SDK1: variants seen among roughly 807,000 people sequenced by gnomAD.
SDK1 encodes the protein protein sidekick-1.
A neutral mutation model predicts 245.5 loss-of-function variants in SDK1; 157 were observed. The observed-to-expected ratio is 0.64, with a 90% CI of 0.56 to 0.73. The LOEUF (loss-of-function observed/expected upper bound fraction) is 0.73, where lower values mean the gene tolerates loss of function less well. Among genes scored for constraint, SDK1 ranks in the 30% least tolerant of loss-of-function variants. The probability of loss-of-function intolerance (pLI) is 0.00; values close to 1 mark genes in which losing one functional copy is unlikely to be tolerated. For missense variants in SDK1, 3,583 were observed against 3,002.3 expected (o/e 1.19, Z -4.52); for synonymous variants, 1,647 against 1,278.5 (o/e 1.29, Z -6.15).
intron 32 of SDK1, among the ~76,000 whole-genome samples, chr7:4,168,932 C>T (rs772985302): frequency 6.6e-6 from 1 of 152,206 alleles, no homozygotes; most frequent in African/African-American, 2.4e-5. Context: ...CCAGTGTGAA[C>T]AGCAAGGACA....
intron 4 of SDK1, among the ~76,000 whole-genome samples, chr7:3,644,433 A>G (rs1704736271): frequency 1.3e-5 from 2 of 151,842 alleles, no homozygotes; most frequent in Non-Finnish European, 2.9e-5. Flanking sequence ...AAAATGAAGG[A>G]TCAATTTTTC....
intron 4 of SDK1, among the ~76,000 whole-genome samples, chr7:3,644,571 C>T (rs2128653402): frequency 6.6e-6 from 1 of 151,094 alleles, no homozygotes; most frequent in East Asian, 1.9e-4. Context: ...TAAAAACAGC[C>T]TGGGCAACAT....
intron 5 of SDK1, among the ~76,000 whole-genome samples, chr7:3,862,594 T>C (rs1303820745): frequency 1.3e-5 from 2 of 152,246 alleles, no homozygotes; most frequent in Non-Finnish European, 2.9e-5. Context: ...GAATTATTTG[T>C]TAGGCAAAGC....
At chr7:3,641,843 T>C in intron 3 of SDK1, 115 bp from the exon 4 acceptor site, 1 of 828,248 alleles carries the variant, frequency 1.2e-6, no homozygotes, top group Non-Finnish European at 1.9e-6. Flanking sequence ...CGTCCTGGTG[T>C]GAAATGTGGC....
At chr7:3,404,376 T>G (rs1778997337) in intron 1 of SDK1, among the ~76,000 whole-genome samples, 4 of 152,218 alleles carry the variant, frequency 2.6e-5, no homozygotes, top group Admixed American at 2.6e-4. Flanking sequence ...ATCACTGATT[T>G]GTAATAATTT....
intron 1 of SDK1, among the ~76,000 whole-genome samples, chr7:3,590,553 G>A (rs1780834784): frequency 6.6e-6 from 1 of 151,968 alleles, no homozygotes; most frequent in Admixed American, 6.6e-5. Context: ...GTAATTCCTT[G>A]CATTGGGCAA....
At chr7:3,401,396 C>T (rs1274627647) in intron 1 of SDK1, among the ~76,000 whole-genome samples, 1 of 152,170 alleles carries the variant, frequency 6.6e-6, no homozygotes, top group Admixed American at 6.5e-5. Flanking sequence ...TTGAAAATGG[C>T]AGTGTCACCA....
At chr7:3,829,853 G>A (rs1040764186) in intron 5 of SDK1, among the ~76,000 whole-genome samples, 1 of 152,202 alleles carries the variant, frequency 6.6e-6, no homozygotes, top group African/African-American at 2.4e-5. Flanking sequence ...GCAGCTTTGA[G>A]GCTGGCACCC....
intron 1 of SDK1, among the ~76,000 whole-genome samples, chr7:3,450,862 G>A (rs1780492373): frequency 6.6e-6 from 1 of 152,146 alleles, no homozygotes; most frequent in Admixed American, 6.5e-5. Context: ...AGGATCACAA[G>A]AAGACACTGA....
At chr7:4,245,322 C>A (rs1404165500) in intron 43 of SDK1, among the ~76,000 whole-genome samples, 1 of 152,180 alleles carries the variant, frequency 6.6e-6, no homozygotes, top group African/African-American at 2.4e-5. Flanking sequence ...CTCCACTGCA[C>A]TCCCCTGCCT....
At chr7:3,715,691 T>C (rs963740248) in intron 4 of SDK1, among the ~76,000 whole-genome samples, 1 of 151,950 alleles carries the variant, frequency 6.6e-6, no homozygotes, top group Non-Finnish European at 1.5e-5. Flanking sequence ...AATAAAAGAT[T>C]TAAATAGGAC....
chr7:3,684,403 G>A (rs1784210829), intron 4 of SDK1, among the ~76,000 whole-genome samples: 1 of 152,228 alleles, frequency 6.6e-6, no homozygotes, highest in South Asian at 2.1e-4. Context: ...CTGAGAAGCA[G>A]CAAGGGGAGA....
intron 25 of SDK1, among the ~76,000 whole-genome samples, chr7:4,117,485 T>G (rs1584192705): frequency 6.6e-6 from 1 of 152,180 alleles, no homozygotes; most frequent in East Asian, 1.9e-4. Context: ...AATAAGTAAA[T>G]AAATGAATTC....
rs573871655 is a variant in SDK1, at chr7:3,867,229, G to A, written c.847+45646G>A. Among the ~76,000 whole-genome samples, 3 of 152,200 alleles carry A rather than the reference G, an allele frequency of 2.0e-5. No individual in the cohort carries two copies. The South Asian group carries it at 6.2e-4, about 32-fold the overall frequency. On this transcript the variant is annotated intron_variant, in intron 5 of 44. Coordinates refer to ENST00000404826, the MANE Select transcript of SDK1 (RefSeq NM_152744.4). ...GTTCTGAAGAGATGAGTTCAAACTG[G>A]CCAAAGAAAAAAATAGGCCCCTAAC... is the stretch of plus-strand genomic sequence containing the variant.
chr7:4,013,008 T>C (rs1786113511), intron 16 of SDK1, among the ~76,000 whole-genome samples: 1 of 152,242 alleles, frequency 6.6e-6, no homozygotes, highest in Non-Finnish European at 1.5e-5. Context: ...GTATGTTGCT[T>C]GCTATTTCCA....
At chr7:3,972,245 AT>A (rs1229564959) in intron 12 of SDK1, among the ~76,000 whole-genome samples, 7 of 151,694 alleles carry the variant, frequency 4.6e-5, no homozygotes, top group Admixed American at 4.6e-4. Context: ...ACTCCCGGCT[AT>A]TTTTTTGTAT....
chr7:4,051,299 A>G (rs1202786493), intron 18 of SDK1, among the ~76,000 whole-genome samples: 1 of 146,356 alleles, frequency 6.8e-6, no homozygotes, highest in Non-Finnish European at 1.5e-5. Flanking sequence ...TATGTTATAT[A>G]TGGATATATG....
intron 19 of SDK1, among the ~76,000 whole-genome samples, chr7:4,062,761 T>C (rs754548313): frequency 6.6e-6 from 1 of 152,148 alleles, no homozygotes; most frequent in Non-Finnish European, 1.5e-5. Flanking sequence ...TACACCATGC[T>C]CATGTGAGAT....
At chr7:3,679,742 C>T (rs1343738133) in intron 4 of SDK1, among the ~76,000 whole-genome samples, 2 of 152,170 alleles carry the variant, frequency 1.3e-5, no homozygotes, top group Non-Finnish European at 2.9e-5. Flanking sequence ...AATAAAGAGA[C>T]AGTAACAACA....
Sources: gnomAD v4.1 joint callset for allele counts (sites outside exome capture counted in the v4.1 genomes callset) on GRCh38, gnomAD v4.1.1 for gene constraint, MANE v1.5 for transcripts, NCBI Gene and HGNC (gene_info 2026-07-23, HGNC 2026-07-21) for gene names.